The following CNTLN variants were observed in gnomAD, a reference collection of about 807,000 sequenced individuals.
CNTLN encodes the protein centlein.
Under a neutral mutation model 180.0 loss-of-function variants are expected in CNTLN, and 212 were observed. The observed-to-expected ratio is 1.18, with a 90% confidence interval of 1.05 to 1.32. CNTLN has a LOEUF of 1.32. Among genes scored for constraint, CNTLN ranks in the 40% most tolerant of loss-of-function variants. CNTLN has a pLI of 0.00. For synonymous variants in CNTLN, 722 were observed against 563.1 expected (o/e 1.28, Z -3.99); for missense variants, 2,095 against 1,610.9 (o/e 1.30, Z -5.14).
At chr9:17,197,051 A>T (rs188847565) in intron 2 of CNTLN, among the ~76,000 whole-genome samples, 213 of 152,214 alleles carry the variant, frequency 1.4e-3, no homozygotes, top group African/African-American at 5.1e-3. Flanking sequence ...CATGAGTTCA[A>T]TTGTTTTAAT....
intron 18 of CNTLN, among the ~76,000 whole-genome samples, chr9:17,441,779 A>G (rs1330122812): frequency 6.6e-6 from 1 of 152,126 alleles, no homozygotes; most frequent in African/African-American, 2.4e-5. Context: ...AAAAAACAGA[A>G]TTCAGCTATA....
At position 17,340,925 on chromosome 9, in the gene CNTLN, A is replaced by T; in HGVS notation, c.1743A>T (p.Lys581Asn). ...ACAGAGCAGTAAAAGAGCAATTAAAACAGTGGGAAGAAGGCAGTGGCATGT... is the reference window on the plus strand; with the variant it reads ...ACAGAGCAGTAAAAGAGCAATTAAATCAGTGGGAAGAAGGCAGTGGCATGT... ...TNYRAVKEQL[K>N]QWEEGSGMTE... The change falls in exon 11 of 26, where the codon AAA (lysine) becomes AAT (asparagine). Residue 581 changes from lysine (K) to asparagine (N), a missense_variant. By Grantham distance (94) the Lys-to-Asn change is moderately conservative. Coordinates refer to ENST00000380647, the MANE Select transcript of CNTLN (RefSeq NM_017738.4). 6.2e-7 allele frequency: 1 copy of T among 1,611,068 alleles called. No individual in the cohort carries two copies. The highest frequency in any genetic ancestry group is 2.2e-5 in the East Asian group (1 of 44,674).
At chr9:17,453,538 G>A (rs1050710631) in intron 18 of CNTLN, among the ~76,000 whole-genome samples, 18 of 152,066 alleles carry the variant, frequency 1.2e-4, no homozygotes, top group African/African-American at 4.1e-4. Context: ...AATTTTCTGT[G>A]CTACAAAACA....
chr9:17,235,697 A>G lies in CNTLN; in HGVS notation c.574A>G (p.Lys192Glu). The G allele has an allele frequency of 1.2e-6, 2 of 1,608,838 alleles. No homozygotes were observed. The highest frequency in any genetic ancestry group is 1.7e-6 in the Non-Finnish European group (2 of 1,177,902). ...GAAACAGGAAATAAATGACCTTGTA[A>G]AACGGAAAATTGCAGTAGATGAAGA... ...VLKQEINDLV[K>E]RKIAVDEENA... The change falls in exon 4 of 26, where the codon AAA (lysine) becomes GAA (glutamate). Residue 192 changes from lysine (K) to glutamate (E), a missense_variant. Lys to Glu is a moderately conservative substitution (Grantham distance 56, BLOSUM62 1). Coordinates refer to ENST00000380647, the MANE Select transcript of CNTLN (RefSeq NM_017738.4).
At position 17,394,537 on chromosome 9, in the gene CNTLN, A is replaced by C. The variant is rs1422190446; in HGVS notation, c.2083A>C (p.Thr695Pro). ...AAGAATAAACTCTTTCCTTTAGGTC[A>C]CTGAGTTGGAAAATCGGCTGAAATC... ...EMLEQTLQKV[T>P]ELENRLKSFE... The change falls in exon 15 of 26, where the codon ACT (threonine) becomes CCT (proline). Residue 695 changes from threonine to proline, a missense_variant. Physicochemically the swap from Thr to Pro is conservative, Grantham distance 38 (BLOSUM62 -1). Coordinates refer to ENST00000380647, the MANE Select transcript of CNTLN (RefSeq NM_017738.4). 1.9e-6 allele frequency: 3 copies of C among 1,554,572 alleles called. No homozygotes were observed. In the East Asian group the frequency reaches 6.7e-5, roughly 35 times the overall value.
intron 2 of CNTLN, among the ~76,000 whole-genome samples, chr9:17,201,865 G>A (rs1822555731): frequency 6.6e-6 from 1 of 151,618 alleles, no homozygotes; most frequent in Non-Finnish European, 1.5e-5. Flanking sequence ...GTTATTTCTT[G>A]TCTTCTGCTA....
At chr9:17,370,319 C>G (rs1824206669) in intron 13 of CNTLN, among the ~76,000 whole-genome samples, 1 of 152,056 alleles carries the variant, frequency 6.6e-6, no homozygotes, top group East Asian at 1.9e-4. Flanking sequence ...AGAAAAGAAA[C>G]AAATAACATA....
chr9:17,396,183 A>G (rs1210528272), intron 15 of CNTLN, among the ~76,000 whole-genome samples: 1 of 152,208 alleles, frequency 6.6e-6, no homozygotes, highest in African/African-American at 2.4e-5. Flanking sequence ...AAATAACCAT[A>G]AAAATGGGCA....
chr9:17,265,359 G>T (rs1200752558), intron 5 of CNTLN, among the ~76,000 whole-genome samples: 1 of 152,160 alleles, frequency 6.6e-6, no homozygotes, highest in African/African-American at 2.4e-5. Flanking sequence ...ATTTGCGTAT[G>T]TTGTAACAGC....
chr9:17,433,917 A>T (rs1047773819), intron 18 of CNTLN, among the ~76,000 whole-genome samples: 1 of 152,140 alleles, frequency 6.6e-6, no homozygotes, highest in Non-Finnish European at 1.5e-5. Context: ...TGTTTAGTTA[A>T]ATAACTTTTT....
At chr9:17,454,803 AC>A (rs1831014862) in intron 18 of CNTLN, among the ~76,000 whole-genome samples, 1 of 152,182 alleles carries the variant, frequency 6.6e-6, no homozygotes, top group Admixed American at 6.5e-5. Context: ...TAAGCAGTAG[AC>A]CCAGAGAATT....
At chr9:17,335,244 C>G (rs142202130) in intron 10 of CNTLN, among the ~76,000 whole-genome samples, 1 of 151,986 alleles carries the variant, frequency 6.6e-6, no homozygotes, top group Non-Finnish European at 1.5e-5. Context: ...ATTGGCTGGG[C>G]GCGGTGGCTC....
intron 8 of CNTLN, among the ~76,000 whole-genome samples, chr9:17,321,382 T>C (rs1412419908): frequency 6.6e-6 from 1 of 152,178 alleles, no homozygotes. Context: ...ATCTCTGGAC[T>C]CTGAGCTCCT....
At chr9:17,442,157 G>A (rs1830148476) in intron 18 of CNTLN, among the ~76,000 whole-genome samples, 2 of 152,156 alleles carry the variant, frequency 1.3e-5, no homozygotes, top group African/African-American at 4.8e-5. Flanking sequence ...GAACAAGACT[G>A]TGGACCAATT....
At position 17,403,545 on chromosome 9, in the gene CNTLN, A is replaced by ATTTT. The variant is rs66964106; in HGVS notation, c.2616-5739_2616-5736dup. Reference sequence around the variant, plus strand: ...CTCTTCCATCATGGAGGAGGCATCAATTTTTTTTTTTTACAGTAGTTTTAA... The same window carrying ATTTT: ...CTCTTCCATCATGGAGGAGGCATCAATTTTTTTTTTTTTTTTACAGTAGTTTTAA... On this transcript the variant is annotated intron_variant, in intron 15 of 25. Coordinates refer to ENST00000380647, the MANE Select transcript of CNTLN (RefSeq NM_017738.4). 2.0e-4 allele frequency among the ~76,000 whole-genome samples: 29 copies of ATTTT among 148,676 alleles called. 1 individual carries two copies. The highest frequency in any genetic ancestry group is 5.2e-4 in the African/African-American group (21 of 40,016).
At chr9:17,150,157 A>G (rs991776923) in intron 2 of CNTLN, among the ~76,000 whole-genome samples, 2 of 152,180 alleles carry the variant, frequency 1.3e-5, no homozygotes, top group African/African-American at 2.4e-5. Context: ...TAGTTTAATT[A>G]GATCCCATTT....
At chr9:17,459,136 T>C (rs1318718085) in intron 19 of CNTLN, among the ~76,000 whole-genome samples, 1 of 151,872 alleles carries the variant, frequency 6.6e-6, no homozygotes, top group Non-Finnish European at 1.5e-5. Flanking sequence ...AAGACATAAA[T>C]AGTTTTAAGT....
chr9:17,179,420 GT>G, intron 2 of CNTLN, among the ~76,000 whole-genome samples: 1 of 152,030 alleles, frequency 6.6e-6, no homozygotes. Context: ...TAACTTTCCT[GT>G]GAGACTCTCT....
At chr9:17,257,377 T>C (rs1480599044) in intron 5 of CNTLN, among the ~76,000 whole-genome samples, 1 of 152,174 alleles carries the variant, frequency 6.6e-6, no homozygotes, top group Non-Finnish European at 1.5e-5. Flanking sequence ...AGTCTATCAT[T>C]GTTGGACATT....
Sources: allele counts gnomAD v4.1 joint callset (sites outside exome capture counted in the v4.1 genomes callset), GRCh38; gene constraint gnomAD v4.1.1; transcripts MANE v1.5; gene names NCBI Gene and HGNC (gene_info 2026-07-23, HGNC 2026-07-21).